Variants in ANKRD36C observed in about 807,000 individuals in gnomAD.
ANKRD36C encodes the protein ankyrin repeat domain 36C, also known as ankyrin repeat domain-containing protein 36C.
In ANKRD36C, 61 loss-of-function variants were observed where a neutral mutation model predicts 276.4. The ratio of observed to expected loss-of-function variants is 0.22; its 90% CI spans 0.18 to 0.27. The LOEUF is 0.27. Ranked by LOEUF, ANKRD36C falls within the 10% of genes least tolerant of loss-of-function variation. The pLI is 1.00. For synonymous variants in ANKRD36C, 483 were observed against 680.1 expected (o/e 0.71, Z 4.51); for missense variants, 1,447 against 2,032.3 (o/e 0.71, Z 5.54).
At chr2:95,941,500 G>C (rs978607375) in intron 19 of ANKRD36C, among the ~76,000 whole-genome samples, 2 of 152,190 alleles carry the variant, frequency 1.3e-5, no homozygotes, top group Non-Finnish European at 2.9e-5. Flanking sequence ...TGTAAATTTA[G>C]GGTCCTATTT....
intron 24 of ANKRD36C, among the ~76,000 whole-genome samples, chr2:95,931,261 C>A (rs1265443525): frequency 6.6e-6 from 1 of 151,178 alleles, no homozygotes; most frequent in East Asian, 2.0e-4. Flanking sequence ...AGCCCCATTG[C>A]CTCCTCTCTC....
At chr2:95,930,955 G>A (rs1405790562) in intron 24 of ANKRD36C, among the ~76,000 whole-genome samples, 1 of 151,570 alleles carries the variant, frequency 6.6e-6, no homozygotes, top group Non-Finnish European at 1.5e-5. Flanking sequence ...TTTCCATTAA[G>A]GGACTTGCCA....
At chr2:95,933,608 T>A (rs1205085597) in intron 24 of ANKRD36C, among the ~76,000 whole-genome samples, 1 of 152,208 alleles carries the variant, frequency 6.6e-6, no homozygotes, top group African/African-American at 2.4e-5. Context: ...ATGCTTGTGA[T>A]TTTTGCACAC....
At chr2:95,851,161 C>G, downstream of ANKRD36C, 7 of 1,563,588 alleles carry the variant, frequency 4.5e-6, no homozygotes, top group Non-Finnish European at 6.1e-6. Context: ...ATTTTGGCAA[C>G]ATACCTTCAT....
exon 63 of ANKRD36C, chr2:95,855,687 C>T: frequency 1.9e-6 from 3 of 1,612,092 alleles, no homozygotes; most frequent in Non-Finnish European, 2.5e-6. Flanking sequence ...TTCGAGGACT[C>T]TGAACTTACT....
intron 44 of ANKRD36C, among the ~76,000 whole-genome samples, chr2:95,892,490 C>A (rs993674900): frequency 1.3e-5 from 2 of 151,472 alleles, no homozygotes; most frequent in East Asian, 2.0e-4. Flanking sequence ...ACTACTTTAG[C>A]CTTCCGAAAG....
In ANKRD36C at chr2:95,897,196, G is replaced by A. The variant is rs1250177037; in HGVS notation, c.2755+1949C>T. 9.6e-5 allele frequency: 113 copies of A among 1,180,356 alleles called. 2 individuals are homozygous for A. The South Asian group carries it at 1.0e-3, about 11-fold the overall frequency. The allele number at this position is 1,180,356 out of a possible 1,614,324, so 73.1% of individuals were successfully genotyped here. ...AATGTGCAGCTTCAACGAGCCCCCC[G>A]CTGATTTATTCACGGAAGAGAATTT... On this transcript the variant is annotated intron_variant, in intron 44 of 66. Coordinates refer to ENST00000456556, the Ensembl canonical transcript of ANKRD36C.
intron 24 of ANKRD36C, among the ~76,000 whole-genome samples, chr2:95,933,617 A>G (rs1677632484): frequency 6.6e-6 from 1 of 152,188 alleles, no homozygotes; most frequent in African/African-American, 2.4e-5. Context: ...ATTTTTGCAC[A>G]CTGATTTTGT....
At chr2:95,929,905 AG>A (rs372540102) in intron 24 of ANKRD36C, among the ~76,000 whole-genome samples, 1 of 151,584 alleles carries the variant, frequency 6.6e-6, no homozygotes, top group Non-Finnish European at 1.5e-5. Context: ...GCCTTCCAAA[AG>A]TTCCTTCATC....
At position 95,891,818 on chromosome 2, in the gene ANKRD36C, G is replaced by T; in HGVS notation, c.2784+14C>A. 1 of 1,559,524 alleles carries T rather than the reference G, an allele frequency of 6.4e-7. No homozygotes were observed. Among genetic ancestry groups the T allele is most frequent in the Non-Finnish European group, 8.7e-7 (1 of 1,151,942 alleles). ...ACATTTACTAGTTCACAATATAAAT[G>T]ACAGTTTCATTACCTTCAAGCCTGA... On this transcript the variant is annotated intron_variant, in intron 45 of 66. Coordinates refer to ENST00000456556, the Ensembl canonical transcript of ANKRD36C.
intron 59 of ANKRD36C, among the ~76,000 whole-genome samples, chr2:95,872,502 G>A (rs970165256): frequency 6.6e-6 from 1 of 151,952 alleles, no homozygotes; most frequent in Non-Finnish European, 1.5e-5. Flanking sequence ...GAATCTCTGG[G>A]ACACATTCAA....
chr2:95,945,368 T>G (rs911121140), intron 17 of ANKRD36C, among the ~76,000 whole-genome samples, 194 bp from the exon 18 acceptor site: 1 of 152,300 alleles, frequency 6.6e-6, no homozygotes, highest in African/African-American at 2.4e-5. Context: ...GTGATACAGA[T>G]ATTCTCAAAA....
At chr2:95,852,162 A>G (rs764731706) in exon 65 of ANKRD36C, 3 of 1,608,900 alleles carry the variant, frequency 1.9e-6, no homozygotes, top group South Asian at 2.2e-5. Flanking sequence ...AGTACATCTT[A>G]TAGTAGCTGT....
At chr2:95,879,914 T>C (rs1343998057) in intron 58 of ANKRD36C, among the ~76,000 whole-genome samples, 3 of 143,488 alleles carry the variant, frequency 2.1e-5, no homozygotes, top group African/African-American at 7.9e-5. Flanking sequence ...GGCATGGTGG[T>C]TCACACCTGT....
chr2:95,861,536 G>A (rs1675583027), intron 60 of ANKRD36C, among the ~76,000 whole-genome samples: 1 of 150,574 alleles, frequency 6.6e-6, no homozygotes, highest in African/African-American at 2.4e-5. Context: ...TATTACTGAA[G>A]GTGAACTGTG....
intron 42 of ANKRD36C, among the ~76,000 whole-genome samples, chr2:95,901,922 C>A (rs1278186807): frequency 2.0e-5 from 3 of 149,220 alleles, no homozygotes; most frequent in Non-Finnish European, 4.5e-5. Flanking sequence ...TCAACTTTGA[C>A]ATACTTCTAC....
chr2:95,893,179 C>T (rs1019658582), intron 44 of ANKRD36C, among the ~76,000 whole-genome samples: 9 of 151,364 alleles, frequency 5.9e-5, no homozygotes, highest in Non-Finnish European at 1.0e-4. Context: ...TTTAGCAGTA[C>T]GATGTGACGT....
chr2:95,892,761 T>C (rs1181062069), intron 44 of ANKRD36C, among the ~76,000 whole-genome samples: 1 of 151,286 alleles, frequency 6.6e-6, no homozygotes, highest in Non-Finnish European at 1.5e-5. Flanking sequence ...ATGAAATAGC[T>C]ATTGTATCCA....
rs187732307 is a variant in ANKRD36C, at chr2:95,920,119, C to T, written c.2245+1488G>A. Among the ~76,000 whole-genome samples, 103 of 131,670 alleles carry T rather than the reference C, an allele frequency of 7.8e-4. 11 individuals carry two copies. The highest frequency in any genetic ancestry group is 2.6e-3 in the African/African-American group (100 of 37,848). 86.4% of individuals were successfully genotyped at this position (131,670 alleles called of 152,430 possible). ...GAATACAGGCTCCATCAAATATATC[C>T]TTACAATTTCAAACATGGTATGATT... On this transcript the variant is annotated intron_variant, in intron 34 of 66. Transcript: ENST00000456556.
Sources: allele counts gnomAD v4.1 joint callset (sites outside exome capture counted in the v4.1 genomes callset), GRCh38; gene constraint gnomAD v4.1.1; transcripts MANE v1.5; gene names NCBI Gene and HGNC (gene_info 2026-07-23, HGNC 2026-07-21).